PDE6B: variants seen among roughly 807,000 people sequenced by gnomAD.
PDE6B encodes the protein rod cGMP-specific 3',5'-cyclic phosphodiesterase subunit beta.
In PDE6B, 106 loss-of-function variants were observed where a neutral mutation model predicts 109.0. The ratio of observed to expected loss-of-function variants is 0.97; its 90% CI spans 0.83 to 1.14. The LOEUF is 1.14. Among genes scored for constraint, PDE6B ranks in the 50% most tolerant of loss-of-function variants. The pLI is 0.00. For missense variants in PDE6B, 1,193 were observed against 1,155.6 expected, an observed-to-expected ratio of 1.03 and a Z score of -0.47; for synonymous variants, 490 against 471.3, an observed-to-expected ratio of 1.04 and a Z score of -0.51.
intron 5 of PDE6B, 159 bp downstream of exon 5, chr4:654,313 C>T (rs982311275): frequency 2.8e-6 from 2 of 724,402 alleles, no homozygotes; most frequent in African/African-American, 1.7e-5. Flanking sequence ...CCAGGCTCCC[C>T]TGCTGCTGCA....
intron 11 of PDE6B, 62 bp downstream of exon 11, chr4:659,079 G>A: frequency 8.0e-7 from 1 of 1,248,470 alleles, no homozygotes; most frequent in Non-Finnish European, 1.2e-6. Context: ...GGGAGGAAGA[G>A]TTCTGCATTC....
chr4:658,378 C>T (rs1224786971), intron 10 of PDE6B, among the ~76,000 whole-genome samples: 5 of 102,226 alleles, frequency 4.9e-5, no homozygotes, highest in African/African-American at 7.7e-5. Flanking sequence ...CACAGGTGTG[C>T]GGGGCAGGTC....
At chr4:654,408 G>A (rs1393226911) in intron 5 of PDE6B, 2 of 637,386 alleles carry the variant, frequency 3.1e-6, no homozygotes, top group South Asian at 3.5e-5. Flanking sequence ...CTGATTGTGG[G>A]GGCTCCTGCT....
At chr4:643,767 T>G (rs1263136496) in intron 3 of PDE6B, among the ~76,000 whole-genome samples, 1 of 150,184 alleles carries the variant, frequency 6.7e-6, no homozygotes, top group Non-Finnish European at 1.5e-5. Context: ...AAGTTCTTTT[T>G]CTAGTTTCTT....
chr4:666,153 C>T lies in PDE6B; in HGVS notation c.2269-378C>T, dbSNP rs972431090. 7.2e-5 allele frequency among the ~76,000 whole-genome samples: 11 copies of T among 152,134 alleles called. No homozygotes were observed. The highest frequency in any genetic ancestry group is 1.5e-4 in the Non-Finnish European group (10 of 68,024). On this transcript the variant is annotated intron_variant, in intron 19 of 21. Coordinates refer to ENST00000496514, the MANE Select transcript of PDE6B (RefSeq NM_000283.4). The surrounding 1 kb of genome is among the most constrained non-coding windows in gnomAD (Gnocchi z 5.6). ...GTGTCTGCCCCAGGCGAGTGCACAG[C>T]GAGGTCCTGGTCAGCCGAGTGTCTG...
chr4:639,076 AG>A (rs1734824497), intron 3 of PDE6B, among the ~76,000 whole-genome samples: 1 of 152,126 alleles, frequency 6.6e-6, no homozygotes, highest in Non-Finnish European at 1.5e-5. Context: ...ACACGTGCAA[AG>A]ATTTTTACTA....
chr4:661,992 T>A (rs1577296161), intron 12 of PDE6B, 142 bp from the exon 13 acceptor site: 8 of 680,230 alleles, frequency 1.2e-5, no homozygotes, highest in Non-Finnish European at 2.2e-5. Flanking sequence ...AACGCAGGGA[T>A]GGGGAAGATC....
rs2109252574 is a variant in PDE6B at position 662,064 on chromosome 4, G to A, written c.1615-70G>A. The A allele has an allele frequency of 1.8e-5, 14 of 762,772 alleles. 2 individuals are homozygous for A. The South Asian group carries it at 1.9e-4, about 10-fold the overall frequency. The allele number at this position is 762,772 out of a possible 1,614,324, so 47.3% of individuals were successfully genotyped here. A position where few individuals can be genotyped will look rare whatever the true frequency, so the allele number is the denominator to read the frequency against. On this transcript the variant is annotated intron_variant, in intron 12 of 21. Coordinates refer to ENST00000496514, the MANE Select transcript of PDE6B (RefSeq NM_000283.4). This position sits in a 1 kb window ranked among gnomAD's most constrained non-coding sequence, Gnocchi z 4.3. ...GAGCAGGGCTTCCACTGTGAAGTCA[G>A]CCACAGGTGCCGCTCTGGCGGGACT...
chr4:655,878 G>A, intron 6 of PDE6B, 62 bp from the exon 7 acceptor site: 1 of 955,850 alleles, frequency 1.0e-6, no homozygotes, highest in South Asian at 1.3e-5. Flanking sequence ...CAGTCCCTCT[G>A]ACTCCTGCAC....
rs950159575 is a variant in PDE6B at position 633,962 on chromosome 4, G to C, written c.469-715G>C. 2.6e-5 allele frequency among the ~76,000 whole-genome samples: 4 copies of C among 152,094 alleles called. No homozygotes were observed. Among genetic ancestry groups the C allele is most frequent in the African/African-American group, 9.7e-5 (4 of 41,392 alleles). On this transcript the variant is annotated intron_variant, in intron 1 of 21. Transcript: ENST00000496514. The surrounding 1 kb of genome is among the most constrained non-coding windows in gnomAD (Gnocchi z 4.5). The stretch of plus-strand genomic sequence containing the variant: ...CCGGAACCTAAGAGCCAAGAGAGGA[G>C]GGGCTGCTCTAAATCTGGTGGGAGT...
At chr4:646,369 TC>T (rs1214989310) in intron 3 of PDE6B, among the ~76,000 whole-genome samples, 1 of 151,932 alleles carries the variant, frequency 6.6e-6, no homozygotes, top group East Asian at 1.9e-4. Context: ...GGTCAGATGT[TC>T]CCCCACCCCC....
Position 666,447 on chromosome 4 carries a change from G to C in PDE6B, c.2269-84G>C. The C allele has an allele frequency of 1.1e-6, 1 of 869,956 alleles. No homozygotes were observed. Among genetic ancestry groups the C allele is most frequent in the Non-Finnish European group, 2.0e-6 (1 of 506,532 alleles). 53.9% of individuals were successfully genotyped at this position (869,956 alleles called of 1,614,324 possible). A position where few individuals can be genotyped will look rare whatever the true frequency, so the allele number is the denominator to read the frequency against. The stretch of plus-strand genomic sequence containing the variant: ...AGGCTGTGTCTCCATGAGCACATCT[G>C]AGTGAGGGGGTCGGGGGGCTGGGCG... On this transcript the variant is annotated intron_variant, in intron 19 of 21. Coordinates refer to ENST00000496514, the MANE Select transcript of PDE6B (RefSeq NM_000283.4). This position sits in a 1 kb window ranked among gnomAD's most constrained non-coding sequence, Gnocchi z 5.6.
chr4:662,834 T>TAAAAAA lies in PDE6B; in HGVS notation c.1832+233_1832+238dup, dbSNP rs36093261. ...GCAAGAGCTCTCCTCTACAAAAACTTAAAAAAAAAAAAAAAAAAAAAAGCT... is the reference window on the plus strand; with the variant it reads ...GCAAGAGCTCTCCTCTACAAAAACTTAAAAAAAAAAAAAAAAAAAAAAAAAAAAGCT... On this transcript the variant is annotated intron_variant, in intron 14 of 21. Coordinates refer to ENST00000496514, the MANE Select transcript of PDE6B (RefSeq NM_000283.4). The surrounding 1 kb of genome is among the most constrained non-coding windows in gnomAD (Gnocchi z 4.3). 2.2e-5 allele frequency among the ~76,000 whole-genome samples: 2 copies of TAAAAAA among 92,158 alleles called. No homozygotes were observed. The highest frequency in any genetic ancestry group is 3.6e-4 in the South Asian group (1 of 2,762). 60.5% of individuals were successfully genotyped at this position (92,158 alleles called of 152,430 possible). A position where few individuals can be genotyped will look rare whatever the true frequency, so the allele number is the denominator to read the frequency against.
chr4:660,206 G>T (rs995455712), intron 11 of PDE6B, among the ~76,000 whole-genome samples: 3 of 152,098 alleles, frequency 2.0e-5, no homozygotes, highest in African/African-American at 7.2e-5. Flanking sequence ...GTGTTTTCTT[G>T]TCTCAACAAC....
rs182607315 is a variant in PDE6B, at chr4:649,164, G to A, written c.712-4688G>A. On this transcript the variant is annotated intron_variant, in intron 3 of 21. Transcript: ENST00000496514. Reference sequence around the variant, plus strand: ...GGCCAACAGCGACCCACAGTGGGGCGGGGCGGGTGATCCTGGGTGTCTGTC... The same window carrying A: ...GGCCAACAGCGACCCACAGTGGGGCAGGGCGGGTGATCCTGGGTGTCTGTC... Among the ~76,000 whole-genome samples, 342 of 152,348 alleles carry A rather than the reference G, an allele frequency of 2.2e-3. 6 individuals carry two copies. The highest frequency in any genetic ancestry group is 8.0e-3 in the African/African-American group (333 of 41,594).
At chr4:669,898 G>A (rs1304586443) in intron 21 of PDE6B, 148 bp from the exon 22 acceptor site, 3 of 734,070 alleles carry the variant, frequency 4.1e-6, no homozygotes, top group South Asian at 3.0e-5. Context: ...GAAAGGCTCA[G>A]CCCAGCTAAT....
rs1043217304 is a variant in PDE6B, at chr4:666,210, G to A, written c.2269-321G>A. 4.6e-5 allele frequency among the ~76,000 whole-genome samples: 7 copies of A among 152,126 alleles called. No individual in the cohort carries two copies. Among genetic ancestry groups the A allele is most frequent in the African/African-American group, 1.7e-4 (7 of 41,420 alleles). ...GCAGCCCAGCCCGGCTCAGCACTGT[G>A]TACAGCCCATCCCCCTCCCCGCCTC... On this transcript the variant is annotated intron_variant, in intron 19 of 21. Coordinates refer to ENST00000496514, the MANE Select transcript of PDE6B (RefSeq NM_000283.4). The surrounding 1 kb of genome is among the most constrained non-coding windows in gnomAD (Gnocchi z 5.6).
intron 3 of PDE6B, chr4:652,730 C>A (rs748625787): frequency 7.1e-5 from 11 of 154,012 alleles, no homozygotes; most frequent in Non-Finnish European, 1.4e-4. Flanking sequence ...AACCTCTGTA[C>A]AAACTCTAGG....
At chr4:639,233 C>T (rs555657734) in intron 3 of PDE6B, among the ~76,000 whole-genome samples, 51 of 151,930 alleles carry the variant, frequency 3.4e-4, no homozygotes, top group Non-Finnish European at 6.6e-4. Context: ...CAGCCTCAAA[C>T]TCCTGGGCTC....
Sources: gnomAD v4.1 joint callset for allele counts (sites outside exome capture counted in the v4.1 genomes callset) on GRCh38, gnomAD v4.1.1 for gene constraint, Gnocchi (gnomAD v3.1) non-coding constraint, MANE v1.5 for transcripts, NCBI Gene and HGNC (gene_info 2026-07-23, HGNC 2026-07-21) for gene names.